Variants in PSMG2 observed in about 807,000 individuals in gnomAD.
The protein encoded by PSMG2 is proteasome assembly chaperone 2, also known as CD40 ligand-activated specific transcript 3.
A neutral mutation model predicts 31.5 loss-of-function variants in PSMG2; 21 were observed. That is an observed-to-expected ratio of 0.67 (90% CI 0.47 to 0.96). The LOEUF is 0.96. Among genes scored for constraint, PSMG2 ranks in the 40% least tolerant of loss-of-function variants. The pLI is 0.00. For missense variants in PSMG2, 318 were observed against 321.2 expected, an observed-to-expected ratio of 0.99 and a Z score of 0.08; for synonymous variants, 120 against 110.4, an observed-to-expected ratio of 1.09 and a Z score of -0.54.
chr18:12,702,433 G>C (rs374087254), upstream of PSMG2: 261 of 1,408,404 alleles, frequency 1.9e-4, 1 homozygote, highest in East Asian at 6.1e-3. Context: ...CCGGGCAGGA[G>C]GGAAAGGTTA....
At chr18:12,674,442 A>T (rs2542165) in intron 1 of PSMG2, 20 of 104,466 alleles carry the variant, frequency 1.9e-4, no homozygotes, top group South Asian at 5.3e-4. Flanking sequence ...ACCTTGAGTT[A>T]AAAAAAAAAA....
At chr18:12,702,706 G>A (rs35699948), upstream of PSMG2, 2 of 769,668 alleles carry the variant, frequency 2.6e-6, no homozygotes, top group South Asian at 1.9e-5. Flanking sequence ...GCGTCAGGCC[G>A]GGGGCTGACC....
chr18:12,689,233 C>G (rs1436377099), intron 1 of PSMG2, among the ~76,000 whole-genome samples: 2 of 152,132 alleles, frequency 1.3e-5, no homozygotes, highest in East Asian at 3.8e-4. Context: ...ATTAGATTGA[C>G]TGTTTTACAC....
At chr18:12,664,594 A>G (rs2038767621) in intron 1 of PSMG2, among the ~76,000 whole-genome samples, 1 of 152,012 alleles carries the variant, frequency 6.6e-6, no homozygotes, top group Non-Finnish European at 1.5e-5. Context: ...TCTGCTGCCC[A>G]AGCTGGTCTC....
intron 1 of PSMG2, among the ~76,000 whole-genome samples, chr18:12,690,580 C>T (rs372096218): frequency 1.3e-4 from 20 of 151,966 alleles, no homozygotes; most frequent in African/African-American, 4.3e-4. Flanking sequence ...CTCAGCCTCC[C>T]GAGTAGCTGC....
At chr18:12,702,540 C>A, upstream of PSMG2, 1 of 1,606,002 alleles carries the variant, frequency 6.2e-7, no homozygotes. Context: ...TCTCCGGAGG[C>A]AGCGACATGC....
intron 1 of PSMG2, among the ~76,000 whole-genome samples, chr18:12,660,029 C>T (rs1024592495): frequency 6.6e-6 from 1 of 152,154 alleles, no homozygotes; most frequent in Non-Finnish European, 1.5e-5. Context: ...CTTTTATGGA[C>T]AACACTACCA....
rs145521500 is a variant in PSMG2, at chr18:12,659,972, C to T, written c.-37+1199C>T. ...CCTGTGTGGATTTTGCAAATACAGACTGGTTTAAAATATTTTGAACAATCC... is the reference window on the plus strand; with the variant it reads ...CCTGTGTGGATTTTGCAAATACAGATTGGTTTAAAATATTTTGAACAATCC... On this transcript the variant is annotated intron_variant, in intron 1 of 6. Transcript: ENST00000585331. Among the ~76,000 whole-genome samples the T allele has an allele frequency of 1.1e-3, 171 of 152,218 alleles. 1 individual carries two copies. The highest frequency in any genetic ancestry group is 7.1e-3 in the East Asian group (37 of 5,184).
intron 1 of PSMG2, among the ~76,000 whole-genome samples, chr18:12,672,374 C>G (rs2038970916): frequency 6.6e-6 from 1 of 152,154 alleles, no homozygotes; most frequent in Admixed American, 6.6e-5. Flanking sequence ...CCTCGGCCTC[C>G]CAAAGTGCTG....
upstream of PSMG2, chr18:12,702,374 A>G (rs73951126): frequency 4.4e-4 from 352 of 799,398 alleles, 1 homozygote; most frequent in African/African-American, 5.8e-3. Flanking sequence ...GCACCCCACA[A>G]TCCTCGCTAC....
At chr18:12,708,974 A>G (rs1165329124) in intron 2 of PSMG2, among the ~76,000 whole-genome samples, 1 of 151,732 alleles carries the variant, frequency 6.6e-6, no homozygotes, top group Non-Finnish European at 1.5e-5. Flanking sequence ...GTCCTCCCAA[A>G]GTGCTGGGAT....
intron 2 of PSMG2, among the ~76,000 whole-genome samples, chr18:12,709,206 C>T (rs1206308584): frequency 1.1e-4 from 17 of 149,684 alleles, no homozygotes; most frequent in Non-Finnish European, 2.1e-4. Flanking sequence ...CCACCACGCC[C>T]GGCTGATTTT....
At chr18:12,684,467 G>A (rs2072630285) in intron 1 of PSMG2, 1 of 146,862 alleles carries the variant, frequency 6.8e-6, no homozygotes. Context: ...CTGTCACCCA[G>A]GCTAAAGATA....
chr18:12,700,898 A>AGTGTTAC, upstream of PSMG2: 1 of 1,362,178 alleles, frequency 7.3e-7, no homozygotes, highest in East Asian at 2.3e-5. Flanking sequence ...CCTTATAAGT[A>AGTGTTAC]GTGTTACGCA....
At chr18:12,710,643 T>G (rs910385512) in intron 2 of PSMG2, among the ~76,000 whole-genome samples, 1 of 152,218 alleles carries the variant, frequency 6.6e-6, no homozygotes, top group Non-Finnish European at 1.5e-5. Context: ...TCACTTGGCT[T>G]GTTGTTCTAG....
chr18:12,658,839 AGC>A, intron 1 of PSMG2: 1 of 319,692 alleles, frequency 3.1e-6, no homozygotes, highest in South Asian at 2.4e-5. Flanking sequence ...AAGCTAAACC[AGC>A]GCCTGGAATA....
At chr18:12,700,147 C>T (rs2040102795), upstream of PSMG2, 1 of 295,624 alleles carries the variant, frequency 3.4e-6, no homozygotes. Context: ...TAATACTATC[C>T]ACATAAAGCT....
At chr18:12,703,002 C>G, upstream of PSMG2, 5 of 1,313,360 alleles carry the variant, frequency 3.8e-6, no homozygotes, top group Non-Finnish European at 5.2e-6. Context: ...ACTCAAAGGA[C>G]CCTCCCGCGC....
chr18:12,672,075 C>T (rs147833171), intron 1 of PSMG2, among the ~76,000 whole-genome samples: 556 of 151,824 alleles, frequency 3.7e-3, no homozygotes, highest in Non-Finnish European at 4.5e-3. Context: ...ACATCAGCCT[C>T]CCAAAGTGCT....
Sources: allele counts gnomAD v4.1 joint callset (sites outside exome capture counted in the v4.1 genomes callset), GRCh38; gene constraint gnomAD v4.1.1; transcripts MANE v1.5; gene names NCBI Gene and HGNC (gene_info 2026-07-23, HGNC 2026-07-21).